The following HLF variants were observed in gnomAD, a reference collection of about 807,000 sequenced individuals.
HLF encodes HLF transcription factor, PAR bZIP family member, also known as hepatic leukemia factor.
A neutral mutation model predicts 22.6 loss-of-function variants in HLF; 3 were observed. The ratio of observed to expected loss-of-function variants is 0.13; its 90% CI spans 0.06 to 0.34. The LOEUF (loss-of-function observed/expected upper bound fraction) is 0.34. Among genes scored for constraint, HLF ranks in the 10% least tolerant of loss-of-function variants. HLF has a pLI of 1.00. For synonymous variants in HLF, 151 were observed against 151.8 expected (o/e 0.99, Z 0.04); for missense variants, 299 against 389.2 (o/e 0.77, Z 1.95).
At chr17:55,301,735 G>T (rs988368337) in intron 2 of HLF, among the ~76,000 whole-genome samples, 1 of 152,178 alleles carries the variant, frequency 6.6e-6, no homozygotes, top group Non-Finnish European at 1.5e-5. Flanking sequence ...GAAGCCATTG[G>T]CTTCCTTTGA....
intron 3 of HLF, among the ~76,000 whole-genome samples, chr17:55,316,011 G>A (rs1173345420): frequency 2.0e-5 from 3 of 152,114 alleles, no homozygotes; most frequent in Admixed American, 6.5e-5. Flanking sequence ...CTTAAGTAAC[G>A]ATCACTTGAA....
chr17:55,298,928 A>G (rs1013372839), intron 2 of HLF, among the ~76,000 whole-genome samples: 3 of 152,236 alleles, frequency 2.0e-5, no homozygotes, highest in African/African-American at 7.2e-5. Flanking sequence ...TATAAACTAT[A>G]TAGGCTGCTC....
chr17:55,291,534 T>C (rs1291012168), intron 2 of HLF, among the ~76,000 whole-genome samples: 3 of 152,202 alleles, frequency 2.0e-5, no homozygotes, highest in African/African-American at 4.8e-5. Context: ...GGAAAAAAAA[T>C]CCTTTCAAAA....
chr17:55,319,327 C>G (rs898649406), intron 3 of HLF, among the ~76,000 whole-genome samples: 8 of 152,074 alleles, frequency 5.3e-5, no homozygotes, highest in Admixed American at 5.2e-4. Flanking sequence ...CCAACTGCCC[C>G]TTGGAATTCT....
intron 2 of HLF, among the ~76,000 whole-genome samples, chr17:55,304,956 A>G (rs1377256234): frequency 6.6e-6 from 1 of 152,238 alleles, no homozygotes; most frequent in Non-Finnish European, 1.5e-5. Context: ...CGTGCAGGAC[A>G]GGCCCAAGGA....
At position 55,267,881 on chromosome 17, in the gene HLF, G is replaced by A. The variant is rs2080809643; in HGVS notation, c.246G>A (p.Gln82=). 2.5e-6 allele frequency: 4 copies of A among 1,614,034 alleles called. No individual in the cohort carries two copies. The highest frequency in any genetic ancestry group is 4.5e-5 in the East Asian group (2 of 44,898). The change falls in exon 2 of 4, where the codon CAG becomes CAA. Residue 82 remains glutamine (Q), a synonymous_variant. Transcript: ENST00000226067. ...TTCCCTATGACGGAGATACTTTCCA[G>A]TTGGAATACATGGACCTGGAGGAGT... ...KTLPYDGDTF[Q]LEYMDLEEFL...
In HLF at chr17:55,268,025, C is replaced by T; in HGVS notation, c.390C>T (p.Ala130=). The change falls in exon 2 of 4, where the codon GCC becomes GCT. Residue 130 remains alanine, a synonymous_variant. Coordinates refer to ENST00000226067, the MANE Select transcript of HLF (RefSeq NM_002126.5). The part of the protein sequence containing the change: ...APSVMDLSSR[A]SAPLHPGIPS... ...CGGTCATGGACCTCAGCAGCCGGGC[C>T]TCTGCACCCCTTCACCCTGGCATCC... 6.2e-7 allele frequency: 1 copy of T among 1,609,528 alleles called. No individual in the cohort carries two copies. Among genetic ancestry groups the T allele is most frequent in the Non-Finnish European group, 8.5e-7 (1 of 1,177,740 alleles).
intron 1 of HLF, chr17:55,266,854 A>G: frequency 1.0e-6 from 1 of 971,524 alleles, no homozygotes; most frequent in Non-Finnish European, 1.2e-6. Flanking sequence ...CAGTACTTCC[A>G]GGTAGCAAAT....
chr17:55,278,007 C>G (rs917748922), intron 2 of HLF, among the ~76,000 whole-genome samples: 6 of 152,186 alleles, frequency 3.9e-5, no homozygotes, highest in Non-Finnish European at 8.8e-5. Flanking sequence ...ATCTCATTTT[C>G]TTTCCTGAAA....
At chr17:55,288,928 C>A (rs2081033384) in intron 2 of HLF, 1 of 985,156 alleles carries the variant, frequency 1.0e-6, no homozygotes, top group Admixed American at 6.2e-5. Context: ...TCCCAGATCA[C>A]CTGTAAGAGT....
chr17:55,297,738 CTTTTTTTTTTTTTTT>C (rs34900287), intron 2 of HLF, among the ~76,000 whole-genome samples: 2 of 62,890 alleles, frequency 3.2e-5, no homozygotes, highest in Non-Finnish European at 5.5e-5. Flanking sequence ...AACAGCATTT[CTTTTTTTTTTTTTTT>C]TTTTTTTTTT....
At chr17:55,291,032 A>C (rs1008026517) in intron 2 of HLF, among the ~76,000 whole-genome samples, 36 of 152,290 alleles carry the variant, frequency 2.4e-4, no homozygotes, top group African/African-American at 7.9e-4. Flanking sequence ...AGGCTGAGAG[A>C]GGTAAGGAAG....
chr17:55,312,337 T>A (rs1415485101), intron 2 of HLF, among the ~76,000 whole-genome samples: 1 of 152,172 alleles, frequency 6.6e-6, no homozygotes, highest in Admixed American at 6.5e-5. Flanking sequence ...TGTTATTTCT[T>A]GACTTTTTAA....
chr17:55,281,343 G>A (rs1172004767), intron 2 of HLF, among the ~76,000 whole-genome samples: 3 of 152,168 alleles, frequency 2.0e-5, no homozygotes, highest in South Asian at 2.1e-4. Context: ...GTGAAACCCC[G>A]TCTCTACGAA....
At position 55,277,241 on chromosome 17, in the gene HLF, ATGTGTGTGTG is replaced by A. The variant is rs60023059; in HGVS notation, c.451+9180_451+9189del. 4.0e-3 allele frequency among the ~76,000 whole-genome samples: 410 copies of A among 101,866 alleles called. 1 individual carries two copies. Among genetic ancestry groups the A allele is most frequent in the African/African-American group, 9.7e-3 (313 of 32,262 alleles). The allele number at this position is 101,866 out of a possible 152,430, so 66.8% of individuals were successfully genotyped here. ...GTATATTGAACCAGATGTTATGTGTATGTGTGTGTGTGTGTGTGTGTGTGTGTGTGTGTGC... is the reference window on the plus strand; with the variant it reads ...GTATATTGAACCAGATGTTATGTGTATGTGTGTGTGTGTGTGTGTGTGTGC... On this transcript the variant is annotated intron_variant, in intron 2 of 3. Transcript: ENST00000226067.
rs1320444360 is a variant in HLF at position 55,324,948 on chromosome 17, T to C, written c.*4069T>C. 4.3e-6 allele frequency: 1 copy of C among 231,214 alleles called. No homozygotes were observed. Among genetic ancestry groups the C allele is most frequent in the Non-Finnish European group, 8.6e-6 (1 of 116,538 alleles). 14.3% of individuals were successfully genotyped at this position (231,214 alleles called of 1,614,324 possible). Reference sequence around the variant, plus strand: ...ATCGCATCTGTTAAACAGGTACAAGTTGACATGAGGTTAGTTTAATTGTAC... The same window carrying C: ...ATCGCATCTGTTAAACAGGTACAAGCTGACATGAGGTTAGTTTAATTGTAC... On this transcript the variant is annotated 3_prime_UTR_variant, in exon 4 of 4. Coordinates refer to ENST00000226067, the MANE Select transcript of HLF (RefSeq NM_002126.5).
intron 3 of HLF, among the ~76,000 whole-genome samples, chr17:55,315,923 C>G (rs1905047667): frequency 6.6e-6 from 1 of 152,206 alleles, no homozygotes; most frequent in Admixed American, 6.5e-5. Context: ...GGACCTTCCT[C>G]CATATTGCCA....
At chr17:55,298,480 C>T (rs1372124841) in intron 2 of HLF, among the ~76,000 whole-genome samples, 3 of 152,146 alleles carry the variant, frequency 2.0e-5, no homozygotes, top group Non-Finnish European at 2.9e-5. Flanking sequence ...AGATTTTTGT[C>T]CCATGAAGGT....
chr17:55,265,945 G>T, intron 1 of HLF: 1 of 796,452 alleles, frequency 1.3e-6, no homozygotes. Flanking sequence ...CGCCTGCGGA[G>T]GGCAGAGCCT....
Sources: gnomAD v4.1 joint callset for allele counts (sites outside exome capture counted in the v4.1 genomes callset) on GRCh38, gnomAD v4.1.1 for gene constraint, MANE v1.5 for transcripts, NCBI Gene and HGNC (gene_info 2026-07-23, HGNC 2026-07-21) for gene names.